Variants in ATP10B observed in about 807,000 individuals in gnomAD.
ATP10B encodes the protein ATPase phospholipid transporting 10B (putative).
Under a neutral mutation model 141.2 loss-of-function variants are expected in ATP10B, and 122 were observed. The ratio of observed to expected loss-of-function variants is 0.86; its 90% CI spans 0.75 to 1.00. ATP10B has a LOEUF of 1.00. Among genes scored for constraint, ATP10B ranks in the 50% least tolerant of loss-of-function variants. The pLI is 0.00. For synonymous variants in ATP10B, 685 were observed against 692.0 expected (o/e 0.99, Z 0.16); for missense variants, 1,876 against 1,825.3 (o/e 1.03, Z -0.51).
At chr5:160,812,569 A>T (rs1773250843) in intron 1 of ATP10B, among the ~76,000 whole-genome samples, 1 of 152,200 alleles carries the variant, frequency 6.6e-6, no homozygotes, top group East Asian at 1.9e-4. Flanking sequence ...AATTAAAAGG[A>T]ATCAAGCAGA....
chr5:160,919,001 G>A, the ATP10B span, among the ~76,000 whole-genome samples: 8 of 151,160 alleles, frequency 5.3e-5, no homozygotes, highest in Non-Finnish European at 8.8e-5. Flanking sequence ...CGAGATGGGC[G>A]GATCACGAGG....
intron 6 of ATP10B, among the ~76,000 whole-genome samples, chr5:160,679,661 C>T (rs1030450548): frequency 1.3e-5 from 2 of 152,184 alleles, no homozygotes; most frequent in Non-Finnish European, 2.9e-5. Context: ...GACTGAGAGT[C>T]CTTTGAGGGC....
chr5:160,737,120 G>A (rs1449375390), intron 2 of ATP10B, among the ~76,000 whole-genome samples: 1 of 152,190 alleles, frequency 6.6e-6, no homozygotes, highest in Non-Finnish European at 1.5e-5. Flanking sequence ...ATCAATCGAT[G>A]TGATACATCA....
At chr5:160,889,025 G>T in the ATP10B span, among the ~76,000 whole-genome samples, 3 of 152,006 alleles carry the variant, frequency 2.0e-5, no homozygotes, top group Non-Finnish European at 4.4e-5. Context: ...GAAAAAATAG[G>T]GTGGGGATAA....
intron 22 of ATP10B, 56 bp from the exon 23 acceptor site, chr5:160,591,195 T>C: frequency 1.4e-6 from 2 of 1,470,086 alleles, no homozygotes; most frequent in Non-Finnish European, 9.3e-7. Flanking sequence ...CTCTATTCTT[T>C]GCAAGCAACT....
chr5:160,837,975 C>T (rs577579798), intron 1 of ATP10B, among the ~76,000 whole-genome samples: 1 of 152,212 alleles, frequency 6.6e-6, no homozygotes, highest in African/African-American at 2.4e-5. Flanking sequence ...AGATTGTTGG[C>T]ATCATTTAGG....
the ATP10B span, among the ~76,000 whole-genome samples, chr5:160,866,767 G>GACT: frequency 2.0e-5 from 3 of 152,050 alleles, no homozygotes; most frequent in Admixed American, 1.3e-4. Context: ...GAGGAATAAA[G>GACT]ACTACATATT....
At chr5:160,814,377 G>C (rs1202078682) in intron 1 of ATP10B, among the ~76,000 whole-genome samples, 1 of 152,174 alleles carries the variant, frequency 6.6e-6, no homozygotes, top group Non-Finnish European at 1.5e-5. Context: ...CTGGAAGAAA[G>C]GGTATCAGTG....
At chr5:160,892,157 C>T in the ATP10B span, among the ~76,000 whole-genome samples, 1 of 152,148 alleles carries the variant, frequency 6.6e-6, no homozygotes, top group African/African-American at 2.4e-5. Flanking sequence ...TTAAACCTTC[C>T]TATGGCTTTT....
At chr5:160,669,942 C>G (rs532442202) in intron 7 of ATP10B, among the ~76,000 whole-genome samples, 1 of 37,112 alleles carries the variant, frequency 2.7e-5, no homozygotes, top group Non-Finnish European at 5.6e-5. Flanking sequence ...TATCAGTGAT[C>G]TCTGTCTGCC....
At chr5:160,601,203 T>A (rs1757082320) in intron 21 of ATP10B, among the ~76,000 whole-genome samples, 1 of 152,216 alleles carries the variant, frequency 6.6e-6, no homozygotes, top group Non-Finnish European at 1.5e-5. Flanking sequence ...TTACTTTTTG[T>A]CATGCTGTTT....
In ATP10B at chr5:160,688,871, T is replaced by G; in HGVS notation, c.-132A>C. 1 of 985,426 alleles carries G rather than the reference T, an allele frequency of 1.0e-6. No homozygotes were observed. The highest frequency in any genetic ancestry group is 1.2e-6 in the Non-Finnish European group (1 of 829,934). 61.0% of individuals were successfully genotyped at this position (985,426 alleles called of 1,614,324 possible). On this transcript the variant is annotated 5_prime_UTR_variant, in exon 4 of 26. Transcript: ENST00000327245. ...CTGTGCTACTGTCCAGTCAGCTGGC[T>G]TTTCTTAATCTAGATGGCTGGAGTT...
chr5:160,620,205 GA>G, intron 15 of ATP10B, 141 bp downstream of exon 15: 1 of 1,118,156 alleles, frequency 8.9e-7, no homozygotes, highest in East Asian at 2.4e-5. Flanking sequence ...GATATTTGAG[GA>G]AAACATCTTG....
At chr5:160,680,413 C>G (rs1763307167) in intron 6 of ATP10B, among the ~76,000 whole-genome samples, 1 of 152,130 alleles carries the variant, frequency 6.6e-6, no homozygotes, top group Non-Finnish European at 1.5e-5. Flanking sequence ...TAATAACTAA[C>G]ACTTATCTAT....
chr5:160,743,264 C>A (rs1767596569), intron 2 of ATP10B, among the ~76,000 whole-genome samples: 1 of 152,158 alleles, frequency 6.6e-6, no homozygotes, highest in Non-Finnish European at 1.5e-5. Context: ...AACTCTTAAC[C>A]CACATGCTTA....
chr5:160,789,834 G>T (rs1771440786), intron 1 of ATP10B, among the ~76,000 whole-genome samples: 1 of 152,140 alleles, frequency 6.6e-6, no homozygotes, highest in Admixed American at 6.5e-5. Flanking sequence ...CAGGGGGTTG[G>T]GGATGGGGAA....
chr5:160,689,144 T>A (rs1763930200), intron 3 of ATP10B, among the ~76,000 whole-genome samples: 1 of 152,206 alleles, frequency 6.6e-6, no homozygotes, highest in Non-Finnish European at 1.5e-5. Context: ...ATTACCTCAA[T>A]AGATGCAGAA....
At position 160,600,028 on chromosome 5, in the gene ATP10B, A is replaced by G. The variant is rs114830985; in HGVS notation, c.3364-1058T>C. Among the ~76,000 whole-genome samples, 446 of 152,314 alleles carry G rather than the reference A, an allele frequency of 2.9e-3. 1 individual carries two copies. Among genetic ancestry groups the G allele is most frequent in the African/African-American group, 0.01 (430 of 41,566 alleles). ...ACATATTGCCACTAGTAGTAACATC[A>G]TTTGTAAAATTTGACCTTCTATATG... On this transcript the variant is annotated intron_variant, in intron 21 of 25. Coordinates refer to ENST00000327245, the MANE Select transcript of ATP10B (RefSeq NM_025153.3).
At chr5:160,929,360 CAG>C in the ATP10B span, among the ~76,000 whole-genome samples, 3 of 152,188 alleles carry the variant, frequency 2.0e-5, no homozygotes, top group African/African-American at 7.2e-5. Context: ...GAGCGACTGA[CAG>C]AGAACCTCCT....
Sources: allele counts gnomAD v4.1 joint callset (sites outside exome capture counted in the v4.1 genomes callset), GRCh38; gene constraint gnomAD v4.1.1; transcripts MANE v1.5; gene names NCBI Gene and HGNC (gene_info 2026-07-23, HGNC 2026-07-21).